DCC: variants seen among roughly 807,000 people sequenced by gnomAD.
The protein encoded by DCC is DCC netrin 1 receptor.
Under a neutral mutation model 172.5 loss-of-function variants are expected in DCC, and 58 were observed. That is an observed-to-expected ratio of 0.34 (90% CI 0.27 to 0.42). The LOEUF (loss-of-function observed/expected upper bound fraction) is 0.42, where lower values mean the gene tolerates loss of function less well. Ranked by LOEUF, DCC falls within the 10% of genes least tolerant of loss-of-function variation. The pLI, the probability that DCC is intolerant of heterozygous loss-of-function variation, is 1.00. For missense variants in DCC, 1,740 were observed against 1,791.0 expected, an observed-to-expected ratio of 0.97 and a Z score of 0.51; for synonymous variants, 709 against 644.5, an observed-to-expected ratio of 1.10 and a Z score of -1.52.
intron 2 of DCC, among the ~76,000 whole-genome samples, chr18:52,903,741 G>A (rs377457620): frequency 9.2e-5 from 14 of 152,218 alleles, no homozygotes; most frequent in African/African-American, 2.6e-4. Flanking sequence ...TCAAATTTGT[G>A]CGAAACTCAT....
chr18:53,438,995 T>G (rs943867150), intron 22 of DCC, among the ~76,000 whole-genome samples: 2 of 152,208 alleles, frequency 1.3e-5, no homozygotes, highest in African/African-American at 2.4e-5. Context: ...TTTAGGGATT[T>G]CATGCTAAAT....
chr18:53,290,889 C>A (rs964905487), intron 12 of DCC, among the ~76,000 whole-genome samples: 25 of 152,094 alleles, frequency 1.6e-4, no homozygotes, highest in Non-Finnish European at 2.6e-4. Flanking sequence ...AATGTTGGGG[C>A]CAGGCACAAT....
chr18:52,816,986 C>T (rs978718269), intron 2 of DCC: 1 of 152,024 alleles, frequency 6.6e-6, no homozygotes, highest in Non-Finnish European at 1.5e-5. Flanking sequence ...TTGTCCTTCC[C>T]TGAATTATTT....
intron 12 of DCC, among the ~76,000 whole-genome samples, chr18:53,260,250 C>G (rs1034070956): frequency 5.9e-5 from 9 of 152,214 alleles, no homozygotes; most frequent in Non-Finnish European, 1.2e-4. Context: ...TGGTGAGGAG[C>G]TGCATTCCTT....
chr18:52,369,942 T>G (rs1985044982), intron 1 of DCC, among the ~76,000 whole-genome samples: 1 of 152,206 alleles, frequency 6.6e-6, no homozygotes, highest in Admixed American at 6.5e-5. Flanking sequence ...TTCCCTCATC[T>G]TATCCAAACA....
chr18:52,440,997 G>A (rs1987954022), intron 1 of DCC, among the ~76,000 whole-genome samples: 1 of 152,186 alleles, frequency 6.6e-6, no homozygotes, highest in African/African-American at 2.4e-5. Flanking sequence ...ACAGCTATCT[G>A]GGGAGTCACT....
At chr18:53,235,054 T>A (rs1378771206) in intron 12 of DCC, among the ~76,000 whole-genome samples, 1 of 152,208 alleles carries the variant, frequency 6.6e-6, no homozygotes, top group African/African-American at 2.4e-5. Flanking sequence ...ATGTTAATGA[T>A]GTTATTTAAA....
At chr18:52,399,149 T>C (rs145686181) in intron 1 of DCC, among the ~76,000 whole-genome samples, 1 of 152,118 alleles carries the variant, frequency 6.6e-6, no homozygotes, top group East Asian at 1.9e-4. Flanking sequence ...TCTTTCATAG[T>C]AAGATGTCTT....
At chr18:52,950,398 A>G (rs1002614624) in intron 5 of DCC, among the ~76,000 whole-genome samples, 1 of 152,170 alleles carries the variant, frequency 6.6e-6, no homozygotes, top group African/African-American at 2.4e-5. Flanking sequence ...AAAAACCATC[A>G]CCACATTATA....
intron 2 of DCC, among the ~76,000 whole-genome samples, chr18:52,845,184 T>C (rs1031729981): frequency 1.3e-5 from 2 of 152,156 alleles, no homozygotes; most frequent in African/African-American, 4.8e-5. Flanking sequence ...CTGAGAACAA[T>C]TTCCAAGAAT....
chr18:53,186,210 CATAG>C (rs1375159538), intron 9 of DCC, among the ~76,000 whole-genome samples: 1 of 152,150 alleles, frequency 6.6e-6, no homozygotes, highest in African/African-American at 2.4e-5. Context: ...GCTAACTTCT[CATAG>C]ATAGACATAA....
chr18:53,077,123 A>C (rs12606343), intron 7 of DCC, among the ~76,000 whole-genome samples: 50,188 of 151,812 alleles, frequency 0.33, 10,384 homozygotes, highest in African/African-American at 0.59. Context: ...TGGGCCTATC[A>C]ACATGTCTTT....
At chr18:52,578,192 A>G (rs145793142) in intron 1 of DCC, among the ~76,000 whole-genome samples, 1 of 152,310 alleles carries the variant, frequency 6.6e-6, no homozygotes, top group East Asian at 1.9e-4. Context: ...TTAATCTTAG[A>G]CAGTCATATG....
At chr18:52,972,060 A>T (rs2041038863) in intron 5 of DCC, among the ~76,000 whole-genome samples, 1 of 152,172 alleles carries the variant, frequency 6.6e-6, no homozygotes, top group South Asian at 2.1e-4. Context: ...TCTCAAAATG[A>T]TGTGGATTTG....
intron 27 of DCC, among the ~76,000 whole-genome samples, chr18:53,513,483 T>G (rs2144548955): frequency 6.6e-6 from 1 of 152,310 alleles, no homozygotes; most frequent in South Asian, 2.1e-4. Context: ...TAAATGTGAA[T>G]GGACTAAATG....
At chr18:53,208,657 C>T (rs1246273894) in intron 11 of DCC, among the ~76,000 whole-genome samples, 2 of 152,156 alleles carry the variant, frequency 1.3e-5, no homozygotes, top group African/African-American at 2.4e-5. Flanking sequence ...CAAACACACA[C>T]ATTTGAGACA....
At chr18:53,219,518 A>C (rs1474391062) in intron 12 of DCC, among the ~76,000 whole-genome samples, 2 of 152,062 alleles carry the variant, frequency 1.3e-5, no homozygotes, top group Non-Finnish European at 2.9e-5. Flanking sequence ...TAAATTTTTA[A>C]ATGCAAATTG....
intron 1 of DCC, among the ~76,000 whole-genome samples, chr18:52,501,154 T>G (rs961963961): frequency 2.0e-5 from 3 of 152,194 alleles, no homozygotes; most frequent in Non-Finnish European, 2.9e-5. Context: ...TTAGAGATTT[T>G]GCTCATCAGT....
At chr18:53,327,892 A>G (rs2057485274) in intron 14 of DCC, among the ~76,000 whole-genome samples, 1 of 152,158 alleles carries the variant, frequency 6.6e-6, no homozygotes, top group Non-Finnish European at 1.5e-5. Context: ...TCTGTGATTT[A>G]TGATATGCTA....
Sources: gnomAD v4.1 joint callset for allele counts (sites outside exome capture counted in the v4.1 genomes callset) on GRCh38, gnomAD v4.1.1 for gene constraint, MANE v1.5 for transcripts, NCBI Gene and HGNC (gene_info 2026-07-23, HGNC 2026-07-21) for gene names.